RASA2: variants seen among roughly 807,000 people sequenced by gnomAD.
RASA2 encodes the protein RAS p21 protein activator 2.
A neutral mutation model predicts 118.2 loss-of-function variants in RASA2; 155 were observed. That is an observed-to-expected ratio of 1.31 (90% CI 1.15 to 1.50). The LOEUF (loss-of-function observed/expected upper bound fraction) is 1.50, where lower values mean the gene tolerates loss of function less well. Ranked by LOEUF, RASA2 falls within the 40% of genes most tolerant of loss-of-function variation. The probability of loss-of-function intolerance (pLI) is 0.00; values close to 1 mark genes in which losing one functional copy is unlikely to be tolerated. For synonymous variants in RASA2, 353 were observed against 349.1 expected (o/e 1.01, Z -0.12); for missense variants, 1,016 against 1,009.6 (o/e 1.01, Z -0.09).
chr3:141,588,735 G>A (rs778964796), intron 19 of RASA2, among the ~76,000 whole-genome samples: 9 of 152,012 alleles, frequency 5.9e-5, no homozygotes, highest in African/African-American at 9.7e-5. Context: ...GAAACCAAAT[G>A]CATTATACTT....
intron 2 of RASA2, among the ~76,000 whole-genome samples, chr3:141,513,884 T>G (rs2081987651): frequency 1.3e-5 from 2 of 152,302 alleles, no homozygotes; most frequent in South Asian, 4.1e-4. Context: ...GAGGTACACT[T>G]GACAAAAGAA....
intron 3 of RASA2, among the ~76,000 whole-genome samples, chr3:141,528,928 C>G (rs1019235786): frequency 6.6e-6 from 1 of 151,756 alleles, no homozygotes; most frequent in South Asian, 2.1e-4. Flanking sequence ...TGTGTAGAAT[C>G]CTGGAATAAA....
intron 4 of RASA2, among the ~76,000 whole-genome samples, chr3:141,533,960 C>T: frequency 6.6e-6 from 1 of 152,192 alleles, no homozygotes; most frequent in South Asian, 2.1e-4. Flanking sequence ...GCTTTTGATA[C>T]TGGTGACCAC....
At chr3:141,491,073 C>G (rs919697973) in intron 1 of RASA2, among the ~76,000 whole-genome samples, 1 of 152,232 alleles carries the variant, frequency 6.6e-6, no homozygotes, top group East Asian at 1.9e-4. Context: ...ATCTGAAGAC[C>G]TATATTCTTC....
chr3:141,580,528 A>G lies in RASA2; in HGVS notation c.1674+77A>G, dbSNP rs1054278585. 9.8e-6 allele frequency: 11 copies of G among 1,120,366 alleles called. No homozygotes were observed. In the African/African-American group the frequency reaches 1.8e-4, roughly 18 times the overall value. The allele number at this position is 1,120,366 out of a possible 1,614,324, so 69.4% of individuals were successfully genotyped here. A position where few individuals can be genotyped will look rare whatever the true frequency, so the allele number is the denominator to read the frequency against. ...TCCTATGATCCCTTATCCTTGACTT[A>G]CCTTCTTCCAAATTAAAAACAAAAC... On this transcript the variant is annotated intron_variant, in intron 16 of 23. Coordinates refer to ENST00000286364, the MANE Select transcript of RASA2 (RefSeq NM_006506.5).
chr3:141,567,980 AT>A (rs1040031991), intron 9 of RASA2, among the ~76,000 whole-genome samples: 7 of 152,230 alleles, frequency 4.6e-5, no homozygotes, highest in African/African-American at 7.2e-5. Context: ...CAAATAAATA[AT>A]TTTCCCCAGT....
chr3:141,491,474 T>TA (rs963119515), intron 1 of RASA2, among the ~76,000 whole-genome samples: 39 of 152,202 alleles, frequency 2.6e-4, no homozygotes, highest in African/African-American at 9.4e-4. Flanking sequence ...TGTTCATTTT[T>TA]AAAAAATCAT....
chr3:141,496,249 T>A, intron 1 of RASA2, among the ~76,000 whole-genome samples: 1 of 152,144 alleles, frequency 6.6e-6, no homozygotes. Context: ...ATTCAGGACA[T>A]AGGCATGGGC....
chr3:141,537,785 A>G (rs1462977075), intron 4 of RASA2, among the ~76,000 whole-genome samples: 1 of 152,122 alleles, frequency 6.6e-6, no homozygotes, highest in Admixed American at 6.5e-5. Context: ...AAAAAAAGCA[A>G]TTTTAAATTC....
rs1284623335 is a variant in RASA2 at position 141,591,827 on chromosome 3, A to G, written c.1933+5075A>G. ...TATTTTAAACATAAATGTTCAATACACTGAAGTTGACACGGTTTTCACCTA... is the reference window on the plus strand; with the variant it reads ...TATTTTAAACATAAATGTTCAATACGCTGAAGTTGACACGGTTTTCACCTA... On this transcript the variant is annotated intron_variant, in intron 19 of 23. Transcript: ENST00000286364. Among the ~76,000 whole-genome samples the G allele has an allele frequency of 2.0e-5, 3 of 150,754 alleles. 1 individual carries two copies. Among genetic ancestry groups the G allele is most frequent in the African/African-American group, 5.0e-5 (2 of 40,200 alleles).
intron 1 of RASA2, among the ~76,000 whole-genome samples, chr3:141,488,780 A>G (rs1227129240): frequency 1.3e-5 from 2 of 152,182 alleles, no homozygotes; most frequent in Non-Finnish European, 2.9e-5. Context: ...GAAAACTGTA[A>G]ATGGGCCAAA....
intron 4 of RASA2, among the ~76,000 whole-genome samples, chr3:141,539,058 G>C (rs1044706598): frequency 1.3e-5 from 2 of 152,080 alleles, no homozygotes; most frequent in South Asian, 4.1e-4. Context: ...CCGTTGGCTT[G>C]GCTCCCTTGC....
At chr3:141,517,639 C>T (rs907017857) in intron 3 of RASA2, among the ~76,000 whole-genome samples, 7 of 152,144 alleles carry the variant, frequency 4.6e-5, no homozygotes, top group African/African-American at 1.7e-4. Context: ...CAAACCATAT[C>T]GGTGACCAAT....
At chr3:141,525,221 G>T (rs1330424417) in intron 3 of RASA2, 1 of 152,084 alleles carries the variant, frequency 6.6e-6, no homozygotes, top group Admixed American at 6.5e-5. Flanking sequence ...TATATGTTTG[G>T]TTTTAAGCTC....
At chr3:141,610,089 TAA>T in intron 23 of RASA2, 23 bp downstream of exon 23, 7 of 1,525,454 alleles carry the variant, frequency 4.6e-6, no homozygotes, top group Non-Finnish European at 6.2e-6. Context: ...TAAGCTATTG[TAA>T]ACATATTTTT....
intron 6 of RASA2, among the ~76,000 whole-genome samples, chr3:141,554,635 T>C (rs544956730): frequency 2.6e-5 from 4 of 152,264 alleles, no homozygotes; most frequent in African/African-American, 9.6e-5. Context: ...TACACACACA[T>C]ACATGCATAC....
At chr3:141,573,495 T>C (rs2082957407) in intron 13 of RASA2, among the ~76,000 whole-genome samples, 1 of 152,226 alleles carries the variant, frequency 6.6e-6, no homozygotes, top group African/African-American at 2.4e-5. Context: ...GCCCCCGTTC[T>C]AGCCATTCCT....
intron 1 of RASA2, among the ~76,000 whole-genome samples, chr3:141,502,152 C>T (rs1363892478): frequency 6.6e-6 from 1 of 152,118 alleles, no homozygotes; most frequent in African/African-American, 2.4e-5. Context: ...ATCTGAAATA[C>T]TTCTGGTCCT....
chr3:141,494,246 A>G (rs1366615113), intron 1 of RASA2, among the ~76,000 whole-genome samples: 1 of 152,256 alleles, frequency 6.6e-6, no homozygotes, highest in Non-Finnish European at 1.5e-5. Context: ...TGGAAAGACA[A>G]TGCTAAACTA....
Sources: allele counts gnomAD v4.1 joint callset (sites outside exome capture counted in the v4.1 genomes callset), GRCh38; gene constraint gnomAD v4.1.1; transcripts MANE v1.5; gene names NCBI Gene and HGNC (gene_info 2026-07-23, HGNC 2026-07-21).